Variants in KCNMA1 observed in about 807,000 individuals in gnomAD.
The protein encoded by KCNMA1 is potassium calcium-activated channel subfamily M alpha 1.
KCNMA1 carries 29 observed loss-of-function variants against 140.0 expected under a neutral mutation model. The observed-to-expected ratio is 0.21, with a 90% CI of 0.15 to 0.28. The LOEUF is 0.28. Among genes scored for constraint, KCNMA1 ranks in the 10% least tolerant of loss-of-function variants. The probability of loss-of-function intolerance (pLI) is 1.00; values close to 1 mark genes in which losing one functional copy is unlikely to be tolerated. For missense variants in KCNMA1, 880 were observed against 1,602.2 expected, an observed-to-expected ratio of 0.55 and a Z score of 7.70; for synonymous variants, 612 against 611.9, an observed-to-expected ratio of 1.00 and a Z score of 0.00.
chr10:77,580,870 A>G (rs1295644799), intron 1 of KCNMA1, among the ~76,000 whole-genome samples: 1 of 152,148 alleles, frequency 6.6e-6, no homozygotes, highest in Non-Finnish European at 1.5e-5. Context: ...AGCCCTTACC[A>G]TGTGGCCCAA....
intron 14 of KCNMA1, chr10:77,064,017 G>A (rs911279197): frequency 6.1e-6 from 6 of 985,182 alleles, no homozygotes; most frequent in South Asian, 4.7e-5. Context: ...GACCATTGCC[G>A]CTTCTCGGGC....
chr10:77,155,980 C>G (rs2098478769), intron 5 of KCNMA1, among the ~76,000 whole-genome samples: 1 of 152,090 alleles, frequency 6.6e-6, no homozygotes, highest in Non-Finnish European at 1.5e-5. Context: ...GTAATCCCAG[C>G]ACTTTGGGAG....
chr10:77,148,023 G>A (rs930540379), intron 5 of KCNMA1, among the ~76,000 whole-genome samples: 1 of 151,950 alleles, frequency 6.6e-6, no homozygotes, highest in Non-Finnish European at 1.5e-5. Flanking sequence ...AACATGTAAG[G>A]AGGTGCTCCT....
chr10:77,306,839 G>A (rs190920295), intron 2 of KCNMA1, among the ~76,000 whole-genome samples: 5 of 152,310 alleles, frequency 3.3e-5, no homozygotes, highest in East Asian at 3.9e-4. Context: ...CCCAGCTTAC[G>A]CAAAAAGGGC....
At chr10:77,604,617 G>A (rs1371302518) in intron 1 of KCNMA1, among the ~76,000 whole-genome samples, 3 of 152,006 alleles carry the variant, frequency 2.0e-5, no homozygotes, top group Non-Finnish European at 4.4e-5. Context: ...AACTCAGGAG[G>A]TGGAGGCTAC....
intron 1 of KCNMA1, among the ~76,000 whole-genome samples, chr10:77,515,559 C>T (rs920058905): frequency 3.3e-5 from 5 of 152,122 alleles, no homozygotes; most frequent in Non-Finnish European, 5.9e-5. Flanking sequence ...ACACACAGCA[C>T]CAGCCAGAGG....
chr10:77,197,451 ATAAACC>A (rs2040894388), intron 3 of KCNMA1, among the ~76,000 whole-genome samples: 1 of 152,180 alleles, frequency 6.6e-6, no homozygotes, highest in African/African-American at 2.4e-5. Context: ...TTTGCTCAGC[ATAAACC>A]TAAAAACGGG....
chr10:77,554,597 C>CAAAAAAA (rs59754706), intron 1 of KCNMA1, among the ~76,000 whole-genome samples: 32 of 84,010 alleles, frequency 3.8e-4, no homozygotes, highest in Admixed American at 7.0e-4. Context: ...TACTCCATCT[C>CAAAAAAA]AAAAAAAAAA....
chr10:77,242,952 T>C (rs2057671372), intron 3 of KCNMA1, among the ~76,000 whole-genome samples: 1 of 150,246 alleles, frequency 6.7e-6, no homozygotes. Context: ...AGTCTTTCTC[T>C]CCCTCTCTCT....
intron 21 of KCNMA1, chr10:76,951,926 T>G: frequency 3.9e-6 from 4 of 1,019,016 alleles, no homozygotes; most frequent in East Asian, 2.7e-5. Flanking sequence ...GAGCAGTCGT[T>G]GTCAGGGATT....
intron 24 of KCNMA1, 196 bp from the exon 25 acceptor site, chr10:76,910,292 G>T (rs1470357329): frequency 5.0e-6 from 3 of 597,850 alleles, no homozygotes; most frequent in African/African-American, 3.7e-5. Flanking sequence ...CTGTTTAAGT[G>T]TCTGAGACCT....
intron 1 of KCNMA1, chr10:77,635,582 G>C (rs2093655192): frequency 6.6e-6 from 1 of 152,216 alleles, no homozygotes; most frequent in African/African-American, 2.4e-5. Flanking sequence ...GAATTTGAAG[G>C]CTCCAGGAAT....
intron 7 of KCNMA1, 42 bp downstream of exon 7, chr10:77,112,325 T>A: frequency 3.6e-6 from 5 of 1,406,746 alleles, no homozygotes; most frequent in Non-Finnish European, 5.0e-6. Flanking sequence ...GAGGGTCTTG[T>A]TGCAGGCAAG....
At chr10:76,914,249 C>T in intron 24 of KCNMA1, 1 of 771,078 alleles carries the variant, frequency 1.3e-6, no homozygotes, top group South Asian at 1.7e-5. Context: ...GGACCCCGGA[C>T]CACAGGTAGT....
At chr10:77,374,854 C>G (rs1411804733) in intron 2 of KCNMA1, among the ~76,000 whole-genome samples, 1 of 152,210 alleles carries the variant, frequency 6.6e-6, no homozygotes, top group Non-Finnish European at 1.5e-5. Flanking sequence ...TCACAACACC[C>G]TGATTCCAGA....
chr10:77,622,284 A>T (rs1448689939), intron 1 of KCNMA1, among the ~76,000 whole-genome samples: 1 of 152,194 alleles, frequency 6.6e-6, no homozygotes, highest in Non-Finnish European at 1.5e-5. Flanking sequence ...CTCCAGGAAC[A>T]ACACACCACT....
intron 1 of KCNMA1, among the ~76,000 whole-genome samples, chr10:77,606,070 G>A (rs757342252): frequency 8.5e-5 from 13 of 152,118 alleles, no homozygotes; most frequent in East Asian, 1.9e-4. Context: ...GCAGTGCTGC[G>A]GCCTAGACCC....
rs975360768 is a variant in KCNMA1, at chr10:76,886,849, C to T, written c.*417G>A. On this transcript the variant is annotated 3_prime_UTR_variant, in exon 28 of 28. Coordinates refer to ENST00000286628, the MANE Select transcript of KCNMA1 (RefSeq NM_001161352.2). ...AAAAAGAAAGAAAGGAAAACAACAA[C>T]AACAACAAAATCAAAACCCAAAGCA... is the stretch of plus-strand genomic sequence containing the variant. 7.4e-6 allele frequency: 8 copies of T among 1,076,188 alleles called. No homozygotes were observed. The highest frequency in any genetic ancestry group is 7.9e-6 in the Non-Finnish European group (7 of 884,560). The allele number at this position is 1,076,188 out of a possible 1,614,324, so 66.7% of individuals were successfully genotyped here.
intron 2 of KCNMA1, among the ~76,000 whole-genome samples, chr10:77,296,190 G>A (rs552758987): frequency 4.6e-5 from 7 of 152,218 alleles, no homozygotes; most frequent in Admixed American, 4.6e-4. Flanking sequence ...GTAATCACTA[G>A]GTCTTTATAA....
Sources: allele counts gnomAD v4.1 joint callset (sites outside exome capture counted in the v4.1 genomes callset), GRCh38; gene constraint gnomAD v4.1.1; transcripts MANE v1.5; gene names NCBI Gene and HGNC (gene_info 2026-07-23, HGNC 2026-07-21).